The following KCNB2 variants were observed in gnomAD, a reference collection of about 807,000 sequenced individuals.
The protein encoded by KCNB2 is delayed rectifier potassium channel protein.
A neutral mutation model predicts 61.5 loss-of-function variants in KCNB2; 15 were observed. That is an observed-to-expected ratio of 0.24 (90% CI 0.16 to 0.38). The LOEUF (loss-of-function observed/expected upper bound fraction) is 0.38, where lower values mean the gene tolerates loss of function less well. Among genes scored for constraint, KCNB2 ranks in the 10% least tolerant of loss-of-function variants. The pLI is 1.00. For synonymous variants in KCNB2, 457 were observed against 446.0 expected (o/e 1.02, Z -0.31); for missense variants, 828 against 1,125.2 (o/e 0.74, Z 3.78).
At chr8:72,890,944 A>G (rs1805887104) in intron 2 of KCNB2, among the ~76,000 whole-genome samples, 1 of 152,220 alleles carries the variant, frequency 6.6e-6, no homozygotes, top group Non-Finnish European at 1.5e-5. Flanking sequence ...AGAGAATCCT[A>G]AGGAATACCA....
chr8:72,743,975 A>G (rs1808013368), intron 2 of KCNB2, among the ~76,000 whole-genome samples: 1 of 152,096 alleles, frequency 6.6e-6, no homozygotes, highest in Non-Finnish European at 1.5e-5. Flanking sequence ...ATTTTTCACC[A>G]ATTTCTTTAT....
At chr8:72,835,409 A>T (rs1809765089) in intron 2 of KCNB2, among the ~76,000 whole-genome samples, 1 of 152,196 alleles carries the variant, frequency 6.6e-6, no homozygotes, top group South Asian at 2.1e-4. Context: ...CAAGATGCCA[A>T]ATGAAAGATG....
At chr8:72,649,835 G>T (rs1806186951) in intron 2 of KCNB2, among the ~76,000 whole-genome samples, 1 of 152,096 alleles carries the variant, frequency 6.6e-6, no homozygotes, top group Admixed American at 6.6e-5. Context: ...ATTAATAATA[G>T]AACCACCTGG....
intron 2 of KCNB2, among the ~76,000 whole-genome samples, chr8:72,625,509 C>T (rs1252858675): frequency 6.6e-6 from 1 of 152,122 alleles, no homozygotes; most frequent in Non-Finnish European, 1.5e-5. Context: ...CAGCTCACAG[C>T]AGCCTTGACC....
At position 72,859,706 on chromosome 8, in the gene KCNB2, C is replaced by CTTTTTTTTTT. The variant is rs1810264452; in HGVS notation, c.580-76229_580-76228insTTTTTTTTTT. Among the ~76,000 whole-genome samples the CTTTTTTTTTT allele has an allele frequency of 5.2e-4, 38 of 73,442 alleles. 13 individuals carry two copies. Among genetic ancestry groups the CTTTTTTTTTT allele is most frequent in the African/African-American group, 1.1e-3 (19 of 17,008 alleles). The allele number at this position is 73,442 out of a possible 152,430, so 48.2% of individuals were successfully genotyped here. A position where few individuals can be genotyped will look rare whatever the true frequency, so the allele number is the denominator to read the frequency against. On this transcript the variant is annotated intron_variant, in intron 2 of 2. Coordinates refer to ENST00000523207, the MANE Select transcript of KCNB2 (RefSeq NM_004770.3). ...TGTAGCATGGATCAGTACTTCATTT[C>CTTTTTTTTTT]GTTTTTTTTTTTTTTTTTTTTTTTT...
intron 2 of KCNB2, among the ~76,000 whole-genome samples, chr8:72,648,045 C>T (rs1806157817): frequency 6.6e-6 from 1 of 152,084 alleles, no homozygotes; most frequent in Non-Finnish European, 1.5e-5. Context: ...CTTTTTACAG[C>T]CTTGAACTTT....
At chr8:72,649,076 C>A (rs1806175425) in intron 2 of KCNB2, among the ~76,000 whole-genome samples, 1 of 151,978 alleles carries the variant, frequency 6.6e-6, no homozygotes, top group Non-Finnish European at 1.5e-5. Flanking sequence ...TTATTGTCTC[C>A]TTTTAAAATA....
At chr8:72,779,140 T>C (rs140139953) in intron 2 of KCNB2, among the ~76,000 whole-genome samples, 112 of 152,286 alleles carry the variant, frequency 7.4e-4, no homozygotes, top group African/African-American at 2.6e-3. Context: ...TGTCACTTTC[T>C]GAGTAGATGC....
intron 2 of KCNB2, among the ~76,000 whole-genome samples, chr8:72,810,208 C>T (rs1352031750): frequency 6.6e-6 from 1 of 152,174 alleles, no homozygotes; most frequent in East Asian, 1.9e-4. Flanking sequence ...GAGGGTTCAG[C>T]ACCAAGTGGA....
chr8:72,596,368 T>C (rs896664732), intron 2 of KCNB2, among the ~76,000 whole-genome samples: 14 of 152,230 alleles, frequency 9.2e-5, no homozygotes, highest in African/African-American at 3.4e-4. Context: ...CAGGGAGTCA[T>C]TGAATTGCTC....
At chr8:72,843,134 T>C (rs1199268653) in intron 2 of KCNB2, among the ~76,000 whole-genome samples, 1 of 152,218 alleles carries the variant, frequency 6.6e-6, no homozygotes, top group Non-Finnish European at 1.5e-5. Flanking sequence ...CAGTACACTT[T>C]GTCTTTGTTC....
At chr8:72,813,502 T>G (rs1434281931) in intron 2 of KCNB2, among the ~76,000 whole-genome samples, 4 of 152,076 alleles carry the variant, frequency 2.6e-5, no homozygotes, top group African/African-American at 9.6e-5. Flanking sequence ...AAAGTGAGAC[T>G]AATGAGGAAG....
At chr8:72,742,797 C>T (rs958105620) in intron 2 of KCNB2, among the ~76,000 whole-genome samples, 2 of 152,294 alleles carry the variant, frequency 1.3e-5, no homozygotes, top group African/African-American at 2.4e-5. Flanking sequence ...AGCCAATGCA[C>T]GGGATCCTGC....
chr8:72,715,700 G>C (rs1460793982), intron 2 of KCNB2, among the ~76,000 whole-genome samples: 4 of 152,134 alleles, frequency 2.6e-5, no homozygotes, highest in East Asian at 1.9e-4. Context: ...GTGCCCACAA[G>C]AGAAAGCAGG....
At chr8:72,809,093 A>T (rs1207001699) in intron 2 of KCNB2, among the ~76,000 whole-genome samples, 1 of 152,148 alleles carries the variant, frequency 6.6e-6, no homozygotes, top group African/African-American at 2.4e-5. Context: ...ATGAAGTATG[A>T]CATGGTTTTG....
intron 2 of KCNB2, among the ~76,000 whole-genome samples, chr8:72,749,777 C>A (rs1468772734): frequency 2.1e-5 from 3 of 142,868 alleles, no homozygotes; most frequent in Admixed American, 7.1e-5. Flanking sequence ...TGTATATATA[C>A]AAATATTATA....
chr8:72,778,804 G>C (rs963681340), intron 2 of KCNB2, among the ~76,000 whole-genome samples: 1 of 82,430 alleles, frequency 1.2e-5, no homozygotes, highest in Non-Finnish European at 2.6e-5. Context: ...AAAAGAAAAA[G>C]AAAGAATTCT....
At chr8:72,856,542 G>T (rs962536670) in intron 2 of KCNB2, among the ~76,000 whole-genome samples, 1 of 152,160 alleles carries the variant, frequency 6.6e-6, no homozygotes, top group Non-Finnish European at 1.5e-5. Context: ...TATGTAATCT[G>T]ATTTGGTTTT....
At position 72,737,511 on chromosome 8, in the gene KCNB2, T is replaced by C. The variant is rs543095055; in HGVS notation, c.579+169198T>C. Reference sequence around the variant, plus strand: ...TAGTTGTATTTAAAGAGAATGTAGATCCTTCTGTGATGTTTTCTAGTACAT... The same window carrying C: ...TAGTTGTATTTAAAGAGAATGTAGACCCTTCTGTGATGTTTTCTAGTACAT... On this transcript the variant is annotated intron_variant, in intron 2 of 2. Transcript: ENST00000523207. Among the ~76,000 whole-genome samples the C allele has an allele frequency of 2.6e-5, 4 of 152,350 alleles. No individual in the cohort carries two copies. In the South Asian group the frequency reaches 8.3e-4, roughly 32 times the overall value.
Sources: gnomAD v4.1 joint callset for allele counts (sites outside exome capture counted in the v4.1 genomes callset) on GRCh38, gnomAD v4.1.1 for gene constraint, MANE v1.5 for transcripts, NCBI Gene and HGNC (gene_info 2026-07-23, HGNC 2026-07-21) for gene names.